The following UBE2H variants were observed in gnomAD, a reference collection of about 807,000 sequenced individuals.
The protein encoded by UBE2H is ubiquitin-conjugating enzyme E2 H.
In UBE2H, 3 loss-of-function variants were observed where a neutral mutation model predicts 29.0. The observed-to-expected ratio is 0.10, with a 90% CI of 0.05 to 0.27. The LOEUF (loss-of-function observed/expected upper bound fraction) is 0.27. Among genes scored for constraint, UBE2H ranks in the 10% least tolerant of loss-of-function variants. UBE2H has a pLI of 1.00. For missense variants in UBE2H, 68 were observed against 228.2 expected, an observed-to-expected ratio of 0.30 and a Z score of 4.52; for synonymous variants, 69 against 82.9, an observed-to-expected ratio of 0.83 and a Z score of 0.91.
At chr7:129,853,010 G>A (rs953320655) in intron 5 of UBE2H, among the ~76,000 whole-genome samples, 1 of 152,200 alleles carries the variant, frequency 6.6e-6, no homozygotes, top group Non-Finnish European at 1.5e-5. Context: ...ACAGGCATGA[G>A]CCACCGTGCC....
intron 1 of UBE2H, among the ~76,000 whole-genome samples, chr7:129,884,449 G>A (rs962402233): frequency 2.0e-5 from 3 of 151,116 alleles, no homozygotes; most frequent in Non-Finnish European, 4.4e-5. Context: ...TCTACTTTTT[G>A]TATATATGTT....
rs140504193 is a variant in UBE2H, at chr7:129,923,146, C to T, written c.53+29357G>A. On this transcript the variant is annotated intron_variant, in intron 1 of 6. Transcript: ENST00000355621. ...CAATCTCCTGACCTCGTGATCCACC[C>T]GCCTCGGCCTCCCAAGTGCTGAAAG... is the stretch of plus-strand genomic sequence containing the variant. 4.6e-3 allele frequency among the ~76,000 whole-genome samples: 697 copies of T among 152,012 alleles called. 6 individuals carry two copies. Among genetic ancestry groups the T allele is most frequent in the African/African-American group, 0.016 (657 of 41,458 alleles).
intron 1 of UBE2H, among the ~76,000 whole-genome samples, chr7:129,941,808 TAAC>T (rs1173379908): frequency 1.3e-5 from 2 of 152,098 alleles, no homozygotes; most frequent in Non-Finnish European, 2.9e-5. Context: ...AGAAAGAATG[TAAC>T]AACAACTATT....
intron 1 of UBE2H, among the ~76,000 whole-genome samples, chr7:129,890,376 C>T (rs1806458898): frequency 1.3e-5 from 2 of 151,114 alleles, no homozygotes; most frequent in Admixed American, 1.3e-4. Flanking sequence ...TATACACACA[C>T]TTATATATAT....
chr7:129,876,428 T>C (rs1387934572), intron 3 of UBE2H, among the ~76,000 whole-genome samples: 1 of 152,208 alleles, frequency 6.6e-6, no homozygotes, highest in Non-Finnish European at 1.5e-5. Flanking sequence ...AGTCTGAATT[T>C]TCAAGTAAAT....
intron 1 of UBE2H, among the ~76,000 whole-genome samples, chr7:129,890,349 GTATATATACACA>G (rs1388010948): frequency 6.6e-6 from 1 of 151,228 alleles, no homozygotes; most frequent in Non-Finnish European, 1.5e-5. Context: ...ATATATGTAT[GTATATATACACA>G]TATATATACA....
intron 5 of UBE2H, among the ~76,000 whole-genome samples, chr7:129,851,965 C>G (rs113778418): frequency 3.9e-5 from 6 of 152,128 alleles, no homozygotes; most frequent in African/African-American, 1.4e-4. Context: ...GACATTATCC[C>G]AATAGTACTG....
chr7:129,867,208 C>T (rs988768462), intron 3 of UBE2H, among the ~76,000 whole-genome samples: 3 of 151,942 alleles, frequency 2.0e-5, no homozygotes, highest in African/African-American at 4.8e-5. Flanking sequence ...AGAACATGTG[C>T]CCCATATTTA....
At position 129,834,683 on chromosome 7, in the gene UBE2H, A is replaced by T. The variant is rs1415560736; in HGVS notation, c.*254T>A. ...CACACAGGCTGACTTGGCCACATGG[A>T]CTCATGAATGCATGCATTCAGACCG... On this transcript the variant is annotated 3_prime_UTR_variant, in exon 7 of 7. Coordinates refer to ENST00000355621, the MANE Select transcript of UBE2H (RefSeq NM_003344.4). 3.2e-5 allele frequency: 11 copies of T among 339,874 alleles called. No individual in the cohort carries two copies. The highest frequency in any genetic ancestry group is 5.8e-5 in the Non-Finnish European group (11 of 188,050). 21.1% of individuals were successfully genotyped at this position (339,874 alleles called of 1,614,324 possible). A position where few individuals can be genotyped will look rare whatever the true frequency, so the allele number is the denominator to read the frequency against.
chr7:129,854,060 G>GGTTTTTTTTTTTTTTTTATTTTT (rs1554430936), intron 5 of UBE2H, among the ~76,000 whole-genome samples: 1 of 100,312 alleles, frequency 1.0e-5, no homozygotes. Flanking sequence ...TTTAGTGTTA[G>GGTTTTTTTTTTTTTTTTATTTTT]TTTTTTTTTT....
chr7:129,919,444 C>A (rs1365460337), intron 1 of UBE2H, among the ~76,000 whole-genome samples: 2 of 143,492 alleles, frequency 1.4e-5, no homozygotes, highest in Non-Finnish European at 3.2e-5. Context: ...GCAGGCTCTC[C>A]TCTGCTTATT....
intron 5 of UBE2H, among the ~76,000 whole-genome samples, chr7:129,852,968 C>T (rs1156232636): frequency 6.6e-6 from 1 of 152,172 alleles, no homozygotes; most frequent in Middle Eastern, 3.2e-3. Context: ...TAAGGTGATC[C>T]GCCTGCCTTG....
chr7:129,854,090 C>T (rs1584745467), intron 5 of UBE2H, among the ~76,000 whole-genome samples: 1 of 82,308 alleles, frequency 1.2e-5, no homozygotes, highest in African/African-American at 4.6e-5. Flanking sequence ...TTTGGCGGGG[C>T]AGGGGTTGGC....
chr7:129,930,530 G>A (rs1584793284), intron 1 of UBE2H, among the ~76,000 whole-genome samples: 1 of 152,056 alleles, frequency 6.6e-6, no homozygotes, highest in South Asian at 2.1e-4. Context: ...CAGTACTTTG[G>A]GAGGCCAAGG....
At chr7:129,915,109 G>A (rs79027983) in intron 1 of UBE2H, among the ~76,000 whole-genome samples, 3,016 of 152,118 alleles carry the variant, frequency 0.02, 97 homozygotes, top group African/African-American at 0.068. Flanking sequence ...GTCTTTCCCC[G>A]AGGCTGTGAA....
intron 1 of UBE2H, among the ~76,000 whole-genome samples, chr7:129,948,157 CTTTTT>C (rs755539582): frequency 6.9e-6 from 1 of 143,956 alleles, no homozygotes; most frequent in African/African-American, 2.5e-5. Flanking sequence ...ACTGTGCCAG[CTTTTT>C]TTTTTTTTTA....
intron 5 of UBE2H, among the ~76,000 whole-genome samples, chr7:129,846,361 T>G (rs1224537507): frequency 6.8e-6 from 1 of 147,906 alleles, no homozygotes; most frequent in Non-Finnish European, 1.5e-5. Context: ...ATAATAATAA[T>G]AATAATAATA....
At chr7:129,912,855 G>C (rs1806965763) in intron 1 of UBE2H, among the ~76,000 whole-genome samples, 1 of 151,532 alleles carries the variant, frequency 6.6e-6, no homozygotes, top group Admixed American at 6.6e-5. Flanking sequence ...AACTTAAAAG[G>C]CTCATTTTTA....
At chr7:129,881,042 C>A in intron 1 of UBE2H, 71 bp from the exon 2 acceptor site, 1 of 1,367,224 alleles carries the variant, frequency 7.3e-7, no homozygotes, top group African/African-American at 1.5e-5. Context: ...ACACCCCAGG[C>A]ATATGCCACT....
Sources: gnomAD v4.1 joint callset for allele counts (sites outside exome capture counted in the v4.1 genomes callset) on GRCh38, gnomAD v4.1.1 for gene constraint, MANE v1.5 for transcripts, NCBI Gene and HGNC (gene_info 2026-07-23, HGNC 2026-07-21) for gene names.